Variants in RC3H1 observed in about 807,000 individuals in gnomAD.
RC3H1 encodes ring finger and CCCH-type domains 1.
A neutral mutation model predicts 138.2 loss-of-function variants in RC3H1; 50 were observed. The observed-to-expected ratio is 0.36, with a 90% CI of 0.29 to 0.46. RC3H1 has a LOEUF of 0.46. Among genes scored for constraint, RC3H1 ranks in the 20% least tolerant of loss-of-function variants. The probability of loss-of-function intolerance (pLI) is 1.00; values close to 1 mark genes in which losing one functional copy is unlikely to be tolerated. For missense variants in RC3H1, 1,031 were observed against 1,388.1 expected (o/e 0.74, Z 4.09); for synonymous variants, 462 against 489.1 (o/e 0.94, Z 0.73).
At chr1:173,981,258 G>A (rs1660805882) in intron 5 of RC3H1, among the ~76,000 whole-genome samples, 1 of 152,184 alleles carries the variant, frequency 6.6e-6, no homozygotes, top group African/African-American at 2.4e-5. Context: ...TACAGGCTGA[G>A]AATCTCTTAC....
At chr1:173,946,313 C>A (rs1659133795) in intron 17 of RC3H1, among the ~76,000 whole-genome samples, 163 bp downstream of exon 17, 1 of 152,026 alleles carries the variant, frequency 6.6e-6, no homozygotes, top group Admixed American at 6.5e-5. Flanking sequence ...TTCTGTTGTC[C>A]CAGAGCTAAA....
chr1:174,012,417 A>G (rs968469175), intron 1 of RC3H1, among the ~76,000 whole-genome samples: 7 of 152,164 alleles, frequency 4.6e-5, no homozygotes, highest in Admixed American at 2.6e-4. Context: ...TTTAAATCAC[A>G]TAATACATAA....
At chr1:173,970,436 G>A (rs1660308005) in intron 9 of RC3H1, 69 bp downstream of exon 9, 2 of 963,472 alleles carry the variant, frequency 2.1e-6, no homozygotes, top group African/African-American at 3.2e-5. Flanking sequence ...TACTCTTTCT[G>A]TATTTCTGTA....
At chr1:173,941,590 C>T in intron 18 of RC3H1, 1 of 439,496 alleles carries the variant, frequency 2.3e-6, no homozygotes. Flanking sequence ...GACAATAAGA[C>T]AGACAATGCC....
intron 1 of RC3H1, among the ~76,000 whole-genome samples, chr1:174,006,950 A>C (rs180888245): frequency 8.7e-4 from 132 of 152,310 alleles, no homozygotes; most frequent in African/African-American, 2.8e-3. Context: ...CAAAGTGAGC[A>C]TACCTGCATA....
At chr1:173,979,014 T>A (rs1227731754) in intron 6 of RC3H1, among the ~76,000 whole-genome samples, 1 of 152,216 alleles carries the variant, frequency 6.6e-6, no homozygotes, top group Non-Finnish European at 1.5e-5. Flanking sequence ...ATGGTGACCT[T>A]GGCAATATGT....
chr1:174,021,173 TA>T (rs1661950000), intron 1 of RC3H1, among the ~76,000 whole-genome samples: 1 of 152,212 alleles, frequency 6.6e-6, no homozygotes, highest in Admixed American at 6.5e-5. Context: ...CACTTTATGC[TA>T]GTTAATGTTG....
At position 173,933,645 on chromosome 1, in the gene RC3H1, A is replaced by G. The variant is rs962235785; in HGVS notation, c.*5076T>C. On this transcript the variant is annotated 3_prime_UTR_variant, in exon 20 of 20. Transcript: ENST00000367696. ...AACTATAATCAACCTACAACTCCCA[A>G]TAAGTCATTTCAGCAGGAAAATTTC... 2.6e-5 allele frequency: 4 copies of G among 152,290 alleles called. No individual in the cohort carries two copies. In the East Asian group the frequency reaches 5.8e-4, roughly 22 times the overall value. The allele number at this position is 152,290 out of a possible 1,614,324, so 9.4% of individuals were successfully genotyped here.
At chr1:173,970,273 TC>T (rs1388518067) in intron 9 of RC3H1, among the ~76,000 whole-genome samples, 2 of 152,232 alleles carry the variant, frequency 1.3e-5, no homozygotes, top group Non-Finnish European at 2.9e-5. Flanking sequence ...TTGACTGCTA[TC>T]CATCACAAGG....
rs962235785 is a variant in RC3H1 at position 173,933,645 on chromosome 1, A to C, written c.*5076T>G. 1 of 152,172 alleles carries C rather than the reference A, an allele frequency of 6.6e-6. No homozygotes were observed. The highest frequency in any genetic ancestry group is 1.5e-5 in the Non-Finnish European group (1 of 67,988). The allele number at this position is 152,172 out of a possible 1,614,324, so 9.4% of individuals were successfully genotyped here. A position where few individuals can be genotyped will look rare whatever the true frequency, so the allele number is the denominator to read the frequency against. ...AACTATAATCAACCTACAACTCCCA[A>C]TAAGTCATTTCAGCAGGAAAATTTC... On this transcript the variant is annotated 3_prime_UTR_variant, in exon 20 of 20. Coordinates refer to ENST00000367696, the MANE Select transcript of RC3H1 (RefSeq NM_172071.4).
intron 5 of RC3H1, among the ~76,000 whole-genome samples, chr1:173,981,682 T>C (rs746376914): frequency 6.6e-6 from 1 of 152,172 alleles, no homozygotes; most frequent in Non-Finnish European, 1.5e-5. Context: ...ATTCTAAAAA[T>C]GATTTAATTT....
In RC3H1 at chr1:173,938,909, A is replaced by AGG. The variant is rs771076921; in HGVS notation, c.3252-39_3252-38insCC. ...TAAAATTTTGAAAAAGGAGAGAGAG[A>AGG]AAAATGATTACTACAATAAAATCAA... On this transcript the variant is annotated intron_variant, in intron 19 of 19. Coordinates refer to ENST00000367696, the MANE Select transcript of RC3H1 (RefSeq NM_172071.4). 4.7e-6 allele frequency: 7 copies of AGG among 1,498,922 alleles called. No homozygotes were observed. The African/African-American group carries it at 8.4e-5, about 18-fold the overall frequency. 92.9% of individuals were successfully genotyped at this position (1,498,922 alleles called of 1,614,324 possible).
chr1:173,982,302 G>A (rs907000592), intron 5 of RC3H1, among the ~76,000 whole-genome samples: 3 of 151,176 alleles, frequency 2.0e-5, no homozygotes, highest in Admixed American at 6.6e-5. Flanking sequence ...TCGCTTGAAC[G>A]CAGGAGGTGG....
chr1:173,977,725 C>G (rs1182639215), intron 7 of RC3H1, among the ~76,000 whole-genome samples: 1 of 152,162 alleles, frequency 6.6e-6, no homozygotes, highest in African/African-American at 2.4e-5. Flanking sequence ...AGAGCATAAC[C>G]TGCCTACTCT....
Position 174,003,150 on chromosome 1 carries a change from G to T in RC3H1, c.-150-10015C>A, listed in dbSNP as rs577480086. 2.6e-5 allele frequency among the ~76,000 whole-genome samples: 4 copies of T among 152,298 alleles called. No individual in the cohort carries two copies. The East Asian group carries it at 7.7e-4, about 29-fold the overall frequency. ...TGCCTGTAATCCCAACACTTTGGGA[G>T]GCTGAAGTGGAGGATTACCTGAGGT... is the stretch of plus-strand genomic sequence containing the variant. On this transcript the variant is annotated intron_variant, in intron 1 of 19. Coordinates refer to ENST00000367696, the MANE Select transcript of RC3H1 (RefSeq NM_172071.4).
At chr1:173,957,559 C>G (rs989732857) in intron 13 of RC3H1, among the ~76,000 whole-genome samples, 1 of 151,974 alleles carries the variant, frequency 6.6e-6, no homozygotes, top group Non-Finnish European at 1.5e-5. Context: ...TCTTCCCCCC[C>G]TCTAATTTTT....
intron 15 of RC3H1, 104 bp from the exon 16 acceptor site, chr1:173,946,940 G>T: frequency 3.9e-6 from 3 of 759,900 alleles, no homozygotes; most frequent in Non-Finnish European, 6.7e-6. Flanking sequence ...CAGGTATCTG[G>T]TATCTACCCT....
intron 9 of RC3H1, among the ~76,000 whole-genome samples, chr1:173,968,747 G>A (rs35897527): frequency 0.059 from 8,900 of 151,742 alleles, 379 homozygotes; most frequent in Non-Finnish European, 0.078. Context: ...AGAGTGAATC[G>A]AATATTTTAC....
intron 1 of RC3H1, among the ~76,000 whole-genome samples, chr1:173,999,862 A>G (rs953086554): frequency 6.6e-6 from 1 of 152,248 alleles, no homozygotes; most frequent in Non-Finnish European, 1.5e-5. Flanking sequence ...CATTTTAAAG[A>G]TAAGGAAACC....
Sources: allele counts gnomAD v4.1 joint callset (sites outside exome capture counted in the v4.1 genomes callset), GRCh38; gene constraint gnomAD v4.1.1; transcripts MANE v1.5; gene names NCBI Gene and HGNC (gene_info 2026-07-23, HGNC 2026-07-21).